NEB: variants seen among roughly 807,000 people sequenced by gnomAD.
NEB encodes nebulin, also known as nemaline myopathy type 2.
In NEB, 512 loss-of-function variants were observed where a neutral mutation model predicts 952.2. The ratio of observed to expected loss-of-function variants is 0.54; its 90% confidence interval spans 0.50 to 0.58. The LOEUF (loss-of-function observed/expected upper bound fraction) is 0.58. Ranked by LOEUF, NEB falls within the 20% of genes least tolerant of loss-of-function variation. The probability of loss-of-function intolerance (pLI) is 0.00; values close to 1 mark genes in which losing one functional copy is unlikely to be tolerated. For missense variants in NEB, 8,428 were observed against 9,231.1 expected (o/e 0.91, Z 3.56); for synonymous variants, 2,900 against 3,149.8 (o/e 0.92, Z 2.66).
chr2:151,677,419 A>G (rs950009772), intron 34 of NEB, 146 bp downstream of exon 34: 3 of 607,690 alleles, frequency 4.9e-6, no homozygotes, highest in East Asian at 3.1e-5. Context: ...CAAACTACAC[A>G]TAACTGTAAT....
rs199811860 is a variant in NEB, at chr2:151,634,514, C to T, written c.9103-549G>A. On this transcript the variant is annotated intron_variant, in intron 64 of 181. Transcript: ENST00000397345. ...AAAATAAGCCGGGCGTGGTGGCGGG[C>T]GCCTGTAGTCCCAGCTACTTGGGAG... 2.3e-3 allele frequency among the ~76,000 whole-genome samples: 350 copies of T among 151,952 alleles called. 1 individual carries two copies. In the East Asian group the frequency reaches 0.026, roughly 11 times the overall value.
Position 151,512,746 on chromosome 2 carries a change from T to C in NEB, c.23333A>G (p.Asn7778Ser). The C allele has an allele frequency of 6.2e-7, 1 of 1,613,638 alleles. No individual in the cohort carries two copies. Among genetic ancestry groups the C allele is most frequent in the Non-Finnish European group, 8.5e-7 (1 of 1,179,574 alleles). ...PEIIHAQQVK[N>S]LSSQKKYKED... is the part of the protein sequence containing the mutation. ...GAATGTCCTTACCTGGCTTGAAAGA[T>C]TCTTGACTTGTTGGGCATGAATGAT... The change falls in exon 161 of 182, where the codon AAT (asparagine) becomes AGT (serine). Residue 7778 changes from asparagine to serine, a missense_variant. Physicochemically the swap from Asn to Ser is conservative, Grantham distance 46. Coordinates refer to ENST00000397345, the MANE Select transcript of NEB (RefSeq NM_001164508.2).
At chr2:151,631,432 A>T in intron 65 of NEB, 86 bp from the exon 66 acceptor site, 1 of 1,391,850 alleles carries the variant, frequency 7.2e-7, no homozygotes, top group Non-Finnish European at 9.7e-7. Context: ...AATAAAGTGC[A>T]ATTCTGTTTT....
intron 126 of NEB, 63 bp downstream of exon 126, chr2:151,553,765 T>A (rs949229695): frequency 1.2e-4 from 176 of 1,458,118 alleles, no homozygotes; most frequent in Non-Finnish European, 1.5e-4. Context: ...GTGAGTTTGC[T>A]GCCTTCTGGG....
chr2:151,572,871 T>TAA (rs543483258), intron 107 of NEB, among the ~76,000 whole-genome samples: 5 of 86,662 alleles, frequency 5.8e-5, no homozygotes, highest in Admixed American at 1.2e-4. Flanking sequence ...TATTTTTAAC[T>TAA]AAAAAAAAAA....
chr2:151,531,921 G>A, intron 143 of NEB, 25 bp from the exon 144 acceptor site: 5 of 1,483,578 alleles, frequency 3.4e-6, no homozygotes, highest in South Asian at 1.2e-5. Context: ...AGAAGAAAGA[G>A]CTCTAAGAAG....
chr2:151,618,636 T>A (rs1468251973), intron 73 of NEB, among the ~76,000 whole-genome samples, 158 bp from the exon 74 acceptor site: 2 of 152,214 alleles, frequency 1.3e-5, no homozygotes, highest in Non-Finnish European at 2.9e-5. Flanking sequence ...ATCCTAAGTG[T>A]ATTTTTTTTT....
chr2:151,678,658 A>G (rs1034146723), intron 32 of NEB, among the ~76,000 whole-genome samples: 1 of 152,122 alleles, frequency 6.6e-6, no homozygotes, highest in Non-Finnish European at 1.5e-5. Flanking sequence ...TGGATATTCA[A>G]AGGGAGACCC....
rs2095494592 is a variant in NEB at position 151,554,153 on chromosome 2, G to A, written c.19429-128C>T. The stretch of plus-strand genomic sequence containing the variant: ...GGCAGGGCAGTGACTGGTATTTTCT[G>A]ACATTTTCTATAGATTAACACCAAG... On this transcript the variant is annotated intron_variant, in intron 125 of 181. Coordinates refer to ENST00000397345, the MANE Select transcript of NEB (RefSeq NM_001164508.2). 3 of 798,428 alleles carry A rather than the reference G, an allele frequency of 3.8e-6. 1 individual carries two copies. In the South Asian group the frequency reaches 5.2e-5, roughly 14 times the overall value. The allele number at this position is 798,428 out of a possible 1,614,324, so 49.5% of individuals were successfully genotyped here.
intron 173 of NEB, among the ~76,000 whole-genome samples, chr2:151,495,774 T>A (rs1262735409): frequency 6.6e-6 from 1 of 152,310 alleles, no homozygotes; most frequent in South Asian, 2.1e-4. Flanking sequence ...TTGCCAAAAC[T>A]ACTATTGGAT....
Position 151,639,384 on chromosome 2 carries a change from G to A in NEB, c.8890C>T (p.Arg2964Cys), listed in dbSNP as rs368965372. 50 of 1,520,570 alleles carry A rather than the reference G, an allele frequency of 3.3e-5. 1 individual carries two copies. The African/African-American group carries it at 3.6e-4, about 11-fold the overall frequency. 94.2% of individuals were successfully genotyped at this position (1,520,570 alleles called of 1,614,324 possible). A position where few individuals can be genotyped will look rare whatever the true frequency, so the allele number is the denominator to read the frequency against. The change falls in exon 63 of 182, where the codon CGT becomes TGT. Residue 2964 changes from arginine (R) to cysteine (C), a missense_variant and splice_region_variant. Arg to Cys is a radical substitution (Grantham distance 180, BLOSUM62 -3). Around this residue, in one of 11 missense-constraint regions of NEB, gnomAD observed 1,772 missense variants for 1,960.3 expected, o/e 0.90. Transcript: ENST00000397345. The part of the protein sequence containing the change: ...AKNNAITMNK[R>C]LYTEAWDKDK... ...TTGTCCCAGGCTTCTGTGTATAAAC[G>A]CTATCAAAAAAAATACACAAATTCA... is the stretch of plus-strand genomic sequence containing the variant.
At chr2:151,554,856 C>A (rs576710510) in intron 125 of NEB, 75 bp downstream of exon 125, 2 of 1,091,626 alleles carry the variant, frequency 1.8e-6, no homozygotes, top group Non-Finnish European at 2.8e-6. Context: ...GTTAGCACAA[C>A]AATGAAATCA....
At chr2:151,728,506 C>T (rs13025954) in intron 4 of NEB, among the ~76,000 whole-genome samples, 15,656 of 151,990 alleles carry the variant, frequency 0.1, 1,057 homozygotes, top group African/African-American at 0.18. Flanking sequence ...TAATGTGAAC[C>T]GGAGTGCCAT....
At chr2:151,732,506 T>A (rs1313767173) in intron 3 of NEB, among the ~76,000 whole-genome samples, 1 of 152,206 alleles carries the variant, frequency 6.6e-6, no homozygotes, top group Non-Finnish European at 1.5e-5. Flanking sequence ...CTTGTTGACT[T>A]GGGTAAATAT....
chr2:151,650,366 G>C lies in NEB; in HGVS notation c.7241C>G (p.Ser2414Cys). 2 of 1,613,644 alleles carry C rather than the reference G, an allele frequency of 1.2e-6. No individual in the cohort carries two copies. Among genetic ancestry groups the C allele is most frequent in the Non-Finnish European group, 1.7e-6 (2 of 1,179,698 alleles). Reference sequence around the variant, plus strand: ...TATGCCTCTCAGCCACTCAAGGTCAGATTTATATAGATTCTGTGAAAAGAC... The same window carrying C: ...TATGCCTCTCAGCCACTCAAGGTCACATTTATATAGATTCTGTGAAAAGAC... ...YELQSENLYK[S>C]DLEWLRGIGW... Residue 2414 changes from serine to cysteine, a missense_variant, in exon 54 of 182, where the codon TCT becomes TGT. Physicochemically the swap from Ser to Cys is moderately radical, Grantham distance 112. Around this residue, in one of 11 missense-constraint regions of NEB, gnomAD observed 1,772 missense variants for 1,960.3 expected, o/e 0.90. Transcript: ENST00000397345.
intron 135 of NEB, among the ~76,000 whole-genome samples, chr2:151,542,312 A>C (rs1338935030): frequency 7.9e-5 from 12 of 152,020 alleles, no homozygotes; most frequent in Admixed American, 7.9e-4. Context: ...TCCCGGGGTG[A>C]TCTCATCTGT....
intron 107 of NEB, among the ~76,000 whole-genome samples, chr2:151,574,829 T>C (rs1239170274): frequency 6.6e-6 from 1 of 152,096 alleles, no homozygotes; most frequent in Non-Finnish European, 1.5e-5. Flanking sequence ...CCTCCTGGGC[T>C]CAAGTGATCC....
In NEB at chr2:151,675,933, A is replaced by G. The variant is rs150508438; in HGVS notation, c.3775-542T>C. ...TATTTGCCCTATGTTGTTACTTTAA[A>G]GAATTATATACACTTTTGACTGAAA... is the stretch of plus-strand genomic sequence containing the variant. On this transcript the variant is annotated intron_variant, in intron 34 of 181. Transcript: ENST00000397345. 3.4e-3 allele frequency among the ~76,000 whole-genome samples: 511 copies of G among 152,320 alleles called. 3 individuals carry two copies. The highest frequency in any genetic ancestry group is 0.012 in the African/African-American group (484 of 41,576).
chr2:151,546,703 C>T (rs1375450773), intron 133 of NEB, among the ~76,000 whole-genome samples: 2 of 151,932 alleles, frequency 1.3e-5, no homozygotes, highest in South Asian at 2.1e-4. Flanking sequence ...GGATTACAGG[C>T]GTACATCATC....
Sources: gnomAD v4.1 joint callset for allele counts (sites outside exome capture counted in the v4.1 genomes callset) on GRCh38, gnomAD v4.1.1 for gene constraint, gnomAD v4.1.1 regional missense constraint, MANE v1.5 for transcripts, NCBI Gene and HGNC (gene_info 2026-07-23, HGNC 2026-07-21) for gene names.